DNAH14: variants seen among roughly 807,000 people sequenced by gnomAD.
DNAH14 encodes axonemal beta dynein heavy chain 14.
A neutral mutation model predicts 520.9 loss-of-function variants in DNAH14; 478 were observed. The ratio of observed to expected loss-of-function variants is 0.92; its 90% confidence interval spans 0.85 to 0.99. The LOEUF is 0.99. Among genes scored for constraint, DNAH14 ranks in the 50% least tolerant of loss-of-function variants. DNAH14 has a pLI of 0.00. For synonymous variants in DNAH14, 1,581 were observed against 1,757.2 expected (o/e 0.90, Z 2.51); for missense variants, 4,831 against 5,234.5 (o/e 0.92, Z 2.38).
intron 43 of DNAH14, among the ~76,000 whole-genome samples, chr1:225,242,243 A>T (rs924447836): frequency 5.9e-5 from 9 of 151,584 alleles, no homozygotes; most frequent in African/African-American, 1.5e-4. Context: ...CAAAAAAAAA[A>T]TTTTTTTTCT....
At chr1:225,089,442 C>CAAAAAAAAAAAA (rs1169182387) in intron 21 of DNAH14, among the ~76,000 whole-genome samples, 1 of 29,908 alleles carries the variant, frequency 3.3e-5, no homozygotes, top group Admixed American at 4.1e-4. Context: ...AAAACTCCGT[C>CAAAAAAAAAAAA]AAAAAAAAAA....
intron 62 of DNAH14, among the ~76,000 whole-genome samples, chr1:225,323,364 T>C (rs1364963450): frequency 1.3e-5 from 2 of 152,198 alleles, no homozygotes; most frequent in Non-Finnish European, 2.9e-5. Flanking sequence ...TAAAAGTTTC[T>C]TTTTAAAAAG....
At chr1:224,955,538 T>G (rs920371825) in intron 3 of DNAH14, among the ~76,000 whole-genome samples, 2 of 152,152 alleles carry the variant, frequency 1.3e-5, no homozygotes, top group Non-Finnish European at 2.9e-5. Flanking sequence ...CTTTTTTCCT[T>G]CTTCACTCAA....
Position 225,185,231 on chromosome 1 carries a change from A to G in DNAH14, c.5536-60A>G. 2.7e-6 allele frequency: 4 copies of G among 1,490,912 alleles called. No homozygotes were observed. In the South Asian group the frequency reaches 5.3e-5, roughly 20 times the overall value. The allele number at this position is 1,490,912 out of a possible 1,614,324, so 92.4% of individuals were successfully genotyped here. On this transcript the variant is annotated intron_variant, in intron 36 of 85. Coordinates refer to ENST00000682510, the MANE Select transcript of DNAH14 (RefSeq NM_001367479.1). ...TAAAATAGTCAATGGATATAGAGAT[A>G]TATTGGTTAATAAACTTAAAATCAT...
intron 17 of DNAH14, among the ~76,000 whole-genome samples, chr1:225,057,461 A>G (rs1242476692): frequency 6.6e-6 from 1 of 152,186 alleles, no homozygotes; most frequent in Non-Finnish European, 1.5e-5. Context: ...ATATACAATC[A>G]TGTCATCTGC....
Position 225,331,431 on chromosome 1 carries a change from T to A in DNAH14, c.9724-6T>A. The A allele has an allele frequency of 1.3e-6, 2 of 1,549,074 alleles. No individual in the cohort carries two copies. Among genetic ancestry groups the A allele is most frequent in the Non-Finnish European group, 8.7e-7 (1 of 1,145,900 alleles). On this transcript the variant is annotated splice_region_variant and splice_polypyrimidine_tract_variant and intron_variant, in intron 64 of 85. Coordinates refer to ENST00000682510, the MANE Select transcript of DNAH14 (RefSeq NM_001367479.1). ...TTTTCTCAATAATGAATTAATTATC[T>A]TTCAGGTTGAAGAACATTTGCTGTT... is the stretch of plus-strand genomic sequence containing the variant.
At chr1:225,376,712 T>A (rs1415726203) in intron 78 of DNAH14, among the ~76,000 whole-genome samples, 1 of 152,236 alleles carries the variant, frequency 6.6e-6, no homozygotes, top group Non-Finnish European at 1.5e-5. Flanking sequence ...GTAATTTTTT[T>A]AATCAGTGAC....
chr1:225,073,353 T>A (rs528850531), intron 17 of DNAH14, among the ~76,000 whole-genome samples: 7 of 152,188 alleles, frequency 4.6e-5, no homozygotes, highest in Admixed American at 2.0e-4. Flanking sequence ...GGGAGTACCA[T>A]CTCAGGGAGT....
intron 1 of DNAH14, among the ~76,000 whole-genome samples, chr1:224,950,492 G>A (rs1315510622): frequency 6.6e-6 from 1 of 152,092 alleles, no homozygotes; most frequent in African/African-American, 2.4e-5. Context: ...AGGTTAACTT[G>A]ATGTTTTTTA....
chr1:225,030,419 G>T (rs1445124618), intron 11 of DNAH14, among the ~76,000 whole-genome samples: 1 of 151,686 alleles, frequency 6.6e-6, no homozygotes, highest in Admixed American at 6.6e-5. Context: ...TCTTTTAAAG[G>T]TTTGGGCTTT....
intron 36 of DNAH14, among the ~76,000 whole-genome samples, chr1:225,170,334 A>T (rs903455657): frequency 1.3e-5 from 2 of 152,224 alleles, no homozygotes; most frequent in African/African-American, 4.8e-5. Context: ...CAAATTGGAT[A>T]AAGAGTCAAG....
rs202149727 is a variant in DNAH14 at position 224,960,291 on chromosome 1, A to G, written c.356A>G (p.Tyr119Cys). The G allele has an allele frequency of 3.8e-5, 60 of 1,599,850 alleles. No homozygotes were observed. Among genetic ancestry groups the G allele is most frequent in the East Asian group, 1.8e-4 (8 of 44,658 alleles). ...GTTAGGAAAGCCAGGCCTGTGTCCTATGATAGAACAGGTATGTGGTATCAC... is the reference window on the plus strand; with the variant it reads ...GTTAGGAAAGCCAGGCCTGTGTCCTGTGATAGAACAGGTATGTGGTATCAC... ...PNVRKARPVS[Y>C]DRTEPKDDDV... Residue 119 changes from tyrosine to cysteine, a missense_variant, in exon 4 of 86, where the codon TAT becomes TGT. Tyr to Cys is a radical substitution (Grantham distance 194, BLOSUM62 -2). Coordinates refer to ENST00000682510, the MANE Select transcript of DNAH14 (RefSeq NM_001367479.1).
chr1:225,163,137 C>CAAAAAA (rs34356854), intron 35 of DNAH14, among the ~76,000 whole-genome samples: 1 of 53,676 alleles, frequency 1.9e-5, no homozygotes, highest in African/African-American at 6.8e-5. Flanking sequence ...GACCCTATCT[C>CAAAAAA]AAAAAAAAAA....
intron 43 of DNAH14, among the ~76,000 whole-genome samples, chr1:225,247,410 TA>T (rs1258018542): frequency 6.6e-6 from 1 of 151,666 alleles, no homozygotes; most frequent in Non-Finnish European, 1.5e-5. Context: ...AATAAGTAAA[TA>T]AAAAGAAATT....
At chr1:225,204,998 A>G (rs906692927) in intron 39 of DNAH14, among the ~76,000 whole-genome samples, 10 of 152,146 alleles carry the variant, frequency 6.6e-5, no homozygotes, top group African/African-American at 2.4e-4. Flanking sequence ...TAGTGGCTAT[A>G]TGGATCCTAG....
intron 1 of DNAH14, among the ~76,000 whole-genome samples, chr1:224,930,934 T>G (rs2058658146): frequency 6.6e-6 from 1 of 152,180 alleles, no homozygotes; most frequent in South Asian, 2.1e-4. Flanking sequence ...TTTAGTGTAC[T>G]CCTCTTTATT....
chr1:225,360,040 C>A (rs765134628), intron 74 of DNAH14, among the ~76,000 whole-genome samples: 99 of 152,176 alleles, frequency 6.5e-4, no homozygotes, highest in Non-Finnish European at 1.2e-3. Flanking sequence ...TTGTTCCCCC[C>A]ACGTTTGTCC....
rs1553334903 is a variant in DNAH14 at position 225,335,267 on chromosome 1, C to CAT, written c.10080+1761_10080+1762insAT. 3.4e-4 allele frequency among the ~76,000 whole-genome samples: 44 copies of CAT among 127,746 alleles called. 2 individuals carry two copies. Among genetic ancestry groups the CAT allele is most frequent in the East Asian group, 2.6e-4 (1 of 3,876 alleles). The allele number at this position is 127,746 out of a possible 152,430, so 83.8% of individuals were successfully genotyped here. A position where few individuals can be genotyped will look rare whatever the true frequency, so the allele number is the denominator to read the frequency against. The stretch of plus-strand genomic sequence containing the variant: ...CATTGTGTGTATATGCACATATACA[C>CAT]GTGTACATTGTGTGTATATGCACAT... On this transcript the variant is annotated intron_variant, in intron 66 of 85. Transcript: ENST00000682510.
At chr1:224,945,442 G>A (rs1366024973) in intron 1 of DNAH14, among the ~76,000 whole-genome samples, 1 of 151,962 alleles carries the variant, frequency 6.6e-6, no homozygotes, top group South Asian at 2.1e-4. Flanking sequence ...GTTTGAACTT[G>A]CTCTTTTAGC....
Sources: gnomAD v4.1 joint callset for allele counts (sites outside exome capture counted in the v4.1 genomes callset) on GRCh38, gnomAD v4.1.1 for gene constraint, MANE v1.5 for transcripts, NCBI Gene and HGNC (gene_info 2026-07-23, HGNC 2026-07-21) for gene names.